Variants in SHQ1 observed in about 807,000 individuals in gnomAD.
SHQ1 encodes the protein protein SHQ1 homolog.
SHQ1 carries 49 observed loss-of-function variants against 53.8 expected under a neutral mutation model. That is an observed-to-expected ratio of 0.91 (90% CI 0.72 to 1.16). The LOEUF (loss-of-function observed/expected upper bound fraction) is 1.16, where lower values mean the gene tolerates loss of function less well. Among genes scored for constraint, SHQ1 ranks in the 50% most tolerant of loss-of-function variants. The pLI is 0.00. For synonymous variants in SHQ1, 243 were observed against 251.0 expected (o/e 0.97, Z 0.30); for missense variants, 738 against 683.1 (o/e 1.08, Z -0.90).
chr3:72,788,248 C>T (rs1363975897), intron 10 of SHQ1, among the ~76,000 whole-genome samples: 4 of 151,930 alleles, frequency 2.6e-5, no homozygotes, highest in African/African-American at 7.3e-5. Context: ...TGTCTGGCCG[C>T]CCATCGTCTG....
downstream of SHQ1, among the ~76,000 whole-genome samples, chr3:72,748,957 A>G (rs1705309165): frequency 7.5e-6 from 1 of 134,220 alleles, no homozygotes; most frequent in Admixed American, 7.1e-5. Flanking sequence ...CCTGTCTCAA[A>G]CACACACGCA....
intron 6 of SHQ1, among the ~76,000 whole-genome samples, chr3:72,820,747 T>A (rs1425216921): frequency 1.3e-5 from 2 of 152,222 alleles, no homozygotes; most frequent in African/African-American, 4.8e-5. Flanking sequence ...TTTGGCTAAT[T>A]ATACTTTTAA....
chr3:72,783,479 T>G (rs1706133880), intron 10 of SHQ1, among the ~76,000 whole-genome samples: 1 of 151,296 alleles, frequency 6.6e-6, no homozygotes, highest in Non-Finnish European at 1.5e-5. Context: ...CATGCCATCA[T>G]GCCCAGTTTT....
chr3:72,798,636 A>T (rs1337402406), intron 9 of SHQ1, among the ~76,000 whole-genome samples: 1 of 152,222 alleles, frequency 6.6e-6, no homozygotes, highest in Non-Finnish European at 1.5e-5. Flanking sequence ...TAATACAAAG[A>T]CAAGATTGAG....
the SHQ1 span, among the ~76,000 whole-genome samples, chr3:72,729,375 G>A: frequency 1.3e-5 from 2 of 152,206 alleles, no homozygotes; most frequent in Admixed American, 1.3e-4. Flanking sequence ...GAAGATTCTT[G>A]GAGCCTGGGG....
chr3:72,809,654 A>G (rs1707059289), intron 9 of SHQ1: 1 of 152,230 alleles, frequency 6.6e-6, no homozygotes, highest in Non-Finnish European at 1.5e-5. Flanking sequence ...TGTCACTTCT[A>G]AAATGAATAA....
chr3:72,767,082 G>A (rs771008454), intron 10 of SHQ1, among the ~76,000 whole-genome samples: 3 of 152,118 alleles, frequency 2.0e-5, no homozygotes, highest in African/African-American at 4.8e-5. Context: ...AGACTTTAGC[G>A]GCATAGGTAC....
intron 10 of SHQ1, among the ~76,000 whole-genome samples, chr3:72,791,373 T>C (rs1236079166): frequency 6.6e-6 from 1 of 152,224 alleles, no homozygotes; most frequent in Non-Finnish European, 1.5e-5. Context: ...TGGCGAAATC[T>C]AGATTTCCAA....
chr3:72,848,280 C>A lies in SHQ1; in HGVS notation c.61G>T (p.Val21Leu). 1 of 1,614,178 alleles carries A rather than the reference C, an allele frequency of 6.2e-7. No homozygotes were observed. Among genetic ancestry groups the A allele is most frequent in the Non-Finnish European group, 8.5e-7 (1 of 1,180,040 alleles). The change falls in exon 1 of 11, where the codon GTG becomes TTG. Residue 21 changes from valine to leucine, a missense_variant. Physicochemically the swap from Val to Leu is conservative, Grantham distance 32. Transcript: ENST00000325599. ...AACTCGGAGACCCGGGCGTAGGGCA[C>A]GCGGATGGCGATAGTCAGGAAGTCC... Reference protein sequence around the residue: ...DPDFLTIAIRVPYARVSEFDV... With the variant: ...DPDFLTIAIRLPYARVSEFDV...
At chr3:72,729,246 G>T in the SHQ1 span, among the ~76,000 whole-genome samples, 2 of 152,170 alleles carry the variant, frequency 1.3e-5, no homozygotes, top group African/African-American at 4.8e-5. Flanking sequence ...GCCACCCCAG[G>T]CTTTCCTCAC....
chr3:72,742,609 T>A, the SHQ1 span, among the ~76,000 whole-genome samples: 1 of 135,124 alleles, frequency 7.4e-6, no homozygotes, highest in Non-Finnish European at 1.6e-5. Context: ...TTCTTTTTTT[T>A]TCTTTTTTTC....
intron 10 of SHQ1, among the ~76,000 whole-genome samples, chr3:72,784,446 C>T (rs1019377643): frequency 3.3e-5 from 5 of 152,130 alleles, no homozygotes; most frequent in South Asian, 2.1e-4. Flanking sequence ...TATGAAACCA[C>T]GCTGAATGGA....
chr3:72,788,345 G>A (rs1454867466), intron 10 of SHQ1, among the ~76,000 whole-genome samples: 1 of 151,380 alleles, frequency 6.6e-6, no homozygotes, highest in African/African-American at 2.4e-5. Context: ...GGGAACTGAG[G>A]AGTGTCTCTG....
At chr3:72,836,220 T>C (rs1365664316) in intron 4 of SHQ1, among the ~76,000 whole-genome samples, 1 of 152,228 alleles carries the variant, frequency 6.6e-6, no homozygotes, top group African/African-American at 2.4e-5. Flanking sequence ...ACAGGCATTG[T>C]GGCTCACGCC....
At chr3:72,779,694 C>A (rs1445782324) in intron 10 of SHQ1, among the ~76,000 whole-genome samples, 2 of 152,192 alleles carry the variant, frequency 1.3e-5, no homozygotes, top group African/African-American at 2.4e-5. Flanking sequence ...TAAACAACCA[C>A]CATTTCCACC....
At chr3:72,798,460 C>T (rs115311470) in intron 9 of SHQ1, among the ~76,000 whole-genome samples, 2 of 152,178 alleles carry the variant, frequency 1.3e-5, no homozygotes, top group African/African-American at 4.8e-5. Flanking sequence ...AATGACAACA[C>T]AGAGAAACGT....
intron 10 of SHQ1, among the ~76,000 whole-genome samples, chr3:72,790,392 C>T (rs1003373997): frequency 2.0e-5 from 3 of 152,168 alleles, no homozygotes. Flanking sequence ...CAGAATTTAG[C>T]AATTACCTGG....
At chr3:72,822,901 G>C (rs1707521748) in intron 6 of SHQ1, among the ~76,000 whole-genome samples, 1 of 152,138 alleles carries the variant, frequency 6.6e-6, no homozygotes, top group African/African-American at 2.4e-5. Context: ...TGTAATCCCA[G>C]CACTTTGGGA....
chr3:72,768,061 G>A (rs1705769476), intron 10 of SHQ1, among the ~76,000 whole-genome samples: 1 of 152,128 alleles, frequency 6.6e-6, no homozygotes, highest in African/African-American at 2.4e-5. Context: ...CAAAAAAGCA[G>A]GGAATGCTGT....
Sources: allele counts gnomAD v4.1 joint callset (sites outside exome capture counted in the v4.1 genomes callset), GRCh38; gene constraint gnomAD v4.1.1; transcripts MANE v1.5; gene names NCBI Gene and HGNC (gene_info 2026-07-23, HGNC 2026-07-21).